ARHGAP15: variants seen among roughly 807,000 people sequenced by gnomAD.
ARHGAP15 encodes the protein Rho GTPase activating protein 15.
Under a neutral mutation model 63.7 loss-of-function variants are expected in ARHGAP15, and 51 were observed. The ratio of observed to expected loss-of-function variants is 0.80; its 90% confidence interval spans 0.64 to 1.01. The LOEUF (loss-of-function observed/expected upper bound fraction) is 1.01. ARHGAP15 is among the 50% of genes least tolerant of loss of function. The pLI, the probability that ARHGAP15 is intolerant of heterozygous loss-of-function variation, is 0.00. For synonymous variants in ARHGAP15, 191 were observed against 193.8 expected (o/e 0.99, Z 0.12); for missense variants, 560 against 564.6 (o/e 0.99, Z 0.08).
At chr2:143,269,782 C>A (rs73962389) in intron 6 of ARHGAP15, among the ~76,000 whole-genome samples, 7,096 of 151,896 alleles carry the variant, frequency 0.047, 543 homozygotes, top group African/African-American at 0.16. Context: ...ATAAATCATT[C>A]TCAGGGATAT....
intron 6 of ARHGAP15, among the ~76,000 whole-genome samples, chr2:143,321,224 A>G (rs1684004306): frequency 6.6e-6 from 1 of 152,246 alleles, no homozygotes; most frequent in South Asian, 2.1e-4. Context: ...AAGTGTATAC[A>G]AAACATATAA....
intron 12 of ARHGAP15, among the ~76,000 whole-genome samples, chr2:143,686,736 T>G (rs1299340847): frequency 6.6e-6 from 1 of 152,168 alleles, no homozygotes; most frequent in African/African-American, 2.4e-5. Flanking sequence ...CCGAAGACAC[T>G]TCTAAGATTA....
In ARHGAP15 at chr2:143,662,944, G is replaced by A. The variant is rs891245606; in HGVS notation, c.1138+38677G>A. On this transcript the variant is annotated intron_variant, in intron 12 of 13. Transcript: ENST00000295095. ...AAGACCAACTCTACGTCTGATTGGC[G>A]TACCTGAAAGTGATGGGGAGAATGG... Among the ~76,000 whole-genome samples the A allele has an allele frequency of 2.6e-4, 37 of 144,226 alleles. 1 individual carries two copies. Among genetic ancestry groups the A allele is most frequent in the African/African-American group, 7.1e-4 (27 of 37,950 alleles). The allele number at this position is 144,226 out of a possible 152,430, so 94.6% of individuals were successfully genotyped here.
At chr2:143,200,871 C>T (rs1692085423) in intron 2 of ARHGAP15, among the ~76,000 whole-genome samples, 1 of 151,898 alleles carries the variant, frequency 6.6e-6, no homozygotes, top group Admixed American at 6.6e-5. Flanking sequence ...GCTGAGCTCA[C>T]ATCATCAACA....
At chr2:143,160,092 T>A (rs1359950855) in intron 2 of ARHGAP15, among the ~76,000 whole-genome samples, 1 of 151,928 alleles carries the variant, frequency 6.6e-6, no homozygotes, top group Non-Finnish European at 1.5e-5. Context: ...ATAACGGGTC[T>A]TCTTGACTTC....
At chr2:143,296,166 C>A (rs948945806) in intron 6 of ARHGAP15, among the ~76,000 whole-genome samples, 2 of 151,960 alleles carry the variant, frequency 1.3e-5, no homozygotes, top group Non-Finnish European at 2.9e-5. Context: ...TGGAGGACAG[C>A]GAGTGAGTTC....
At chr2:143,681,000 C>T (rs927344750) in intron 12 of ARHGAP15, among the ~76,000 whole-genome samples, 11 of 152,200 alleles carry the variant, frequency 7.2e-5, no homozygotes, top group African/African-American at 2.2e-4. Flanking sequence ...ATGTGTCAGA[C>T]ACATCACCTT....
At chr2:143,716,729 A>G (rs545031380) in intron 13 of ARHGAP15, among the ~76,000 whole-genome samples, 1 of 152,368 alleles carries the variant, frequency 6.6e-6, no homozygotes, top group South Asian at 2.1e-4. Context: ...CTTTCTTGCC[A>G]ATACCAATAC....
chr2:143,756,226 T>C (rs1021365873), intron 13 of ARHGAP15, among the ~76,000 whole-genome samples: 3 of 152,212 alleles, frequency 2.0e-5, no homozygotes, highest in Admixed American at 6.5e-5. Flanking sequence ...AAAATATTCC[T>C]TTTATGTTTA....
chr2:143,424,392 AAATG>A (rs1689060291), intron 6 of ARHGAP15, among the ~76,000 whole-genome samples: 1 of 152,146 alleles, frequency 6.6e-6, no homozygotes, highest in Non-Finnish European at 1.5e-5. Context: ...TTTTTTAAAA[AAATG>A]AGAAATGGTA....
At chr2:143,596,821 A>T (rs935117350) in intron 11 of ARHGAP15, among the ~76,000 whole-genome samples, 1 of 152,152 alleles carries the variant, frequency 6.6e-6, no homozygotes, top group African/African-American at 2.4e-5. Context: ...TTATGCAAAA[A>T]GTCTTCACAG....
intron 2 of ARHGAP15, among the ~76,000 whole-genome samples, chr2:143,166,385 C>T (rs1217201311): frequency 1.3e-5 from 2 of 152,090 alleles, no homozygotes; most frequent in Non-Finnish European, 2.9e-5. Context: ...GAACACGTTT[C>T]ATCTATTCAT....
At chr2:143,572,861 A>C (rs1185982392) in intron 11 of ARHGAP15, among the ~76,000 whole-genome samples, 1 of 152,178 alleles carries the variant, frequency 6.6e-6, no homozygotes, top group Non-Finnish European at 1.5e-5. Context: ...CATACAACCA[A>C]AACACAAAGA....
At chr2:143,410,812 G>GTT (rs35149088) in intron 6 of ARHGAP15, among the ~76,000 whole-genome samples, 12 of 139,308 alleles carry the variant, frequency 8.6e-5, no homozygotes, top group African/African-American at 2.4e-4. Flanking sequence ...GGAGGTGAAG[G>GTT]TTTTTTTTTT....
At chr2:143,197,677 G>A (rs1260762885) in intron 2 of ARHGAP15, among the ~76,000 whole-genome samples, 2 of 151,858 alleles carry the variant, frequency 1.3e-5, no homozygotes, top group Non-Finnish European at 2.9e-5. Flanking sequence ...GCTTTACTGA[G>A]AACAACATTA....
At chr2:143,184,000 G>A (rs946338566) in intron 2 of ARHGAP15, among the ~76,000 whole-genome samples, 1 of 152,100 alleles carries the variant, frequency 6.6e-6, no homozygotes, top group Non-Finnish European at 1.5e-5. Context: ...CTCAACTAGG[G>A]AGGTCAGCTT....
At chr2:143,598,753 A>G (rs1322385874) in intron 11 of ARHGAP15, among the ~76,000 whole-genome samples, 1 of 151,994 alleles carries the variant, frequency 6.6e-6, no homozygotes, top group Middle Eastern at 3.2e-3. Context: ...TAAAAACATG[A>G]AAAATAAAGA....
intron 13 of ARHGAP15, among the ~76,000 whole-genome samples, chr2:143,714,780 TG>T: frequency 6.6e-6 from 1 of 152,366 alleles, no homozygotes; most frequent in Admixed American, 6.5e-5. Context: ...GAGTCACCTT[TG>T]CTCCAGTTCC....
At chr2:143,253,705 T>TA (rs1282177932) in intron 6 of ARHGAP15, among the ~76,000 whole-genome samples, 2 of 148,782 alleles carry the variant, frequency 1.3e-5, no homozygotes, top group African/African-American at 5.0e-5. Context: ...TAATTTATAT[T>TA]AAAATATATA....
Sources: allele counts gnomAD v4.1 joint callset (sites outside exome capture counted in the v4.1 genomes callset), GRCh38; gene constraint gnomAD v4.1.1; transcripts MANE v1.5; gene names NCBI Gene and HGNC (gene_info 2026-07-23, HGNC 2026-07-21).